Variants in LTBP1 observed in about 807,000 individuals in gnomAD.
LTBP1 encodes the protein latent-transforming growth factor beta-binding protein 1.
LTBP1 carries 129 observed loss-of-function variants against 207.6 expected under a neutral mutation model. The observed-to-expected ratio is 0.62, with a 90% CI of 0.54 to 0.72. The LOEUF (loss-of-function observed/expected upper bound fraction) is 0.72. Among genes scored for constraint, LTBP1 ranks in the 30% least tolerant of loss-of-function variants. The probability of loss-of-function intolerance (pLI) is 0.00; values close to 1 mark genes in which losing one functional copy is unlikely to be tolerated. For synonymous variants in LTBP1, 963 were observed against 833.7 expected, an observed-to-expected ratio of 1.16 and a Z score of -2.67; for missense variants, 2,281 against 2,217.2, an observed-to-expected ratio of 1.03 and a Z score of -0.58.
chr2:33,185,021 G>A (rs17566780), intron 5 of LTBP1, among the ~76,000 whole-genome samples: 66,879 of 151,910 alleles, frequency 0.44, 15,397 homozygotes, highest in Non-Finnish European at 0.5. Context: ...TAGAAGTGAG[G>A]TTCAGGCAGA....
intron 24 of LTBP1, among the ~76,000 whole-genome samples, chr2:33,321,856 A>G (rs531202298): frequency 6.6e-6 from 1 of 152,350 alleles, no homozygotes; most frequent in East Asian, 1.9e-4. Context: ...GTAAAAAGAA[A>G]AAGGATCATA....
At chr2:33,140,454 G>T (rs984422973) in intron 5 of LTBP1, among the ~76,000 whole-genome samples, 2 of 152,074 alleles carry the variant, frequency 1.3e-5, no homozygotes, top group African/African-American at 2.4e-5. Context: ...TTAATACATT[G>T]TGCAGGTATA....
chr2:33,067,741 T>G (rs1005449380), intron 3 of LTBP1, among the ~76,000 whole-genome samples: 3 of 152,292 alleles, frequency 2.0e-5, no homozygotes, highest in East Asian at 3.9e-4. Context: ...CATTTTATAT[T>G]AGGGACTGGA....
At chr2:33,305,695 G>A (rs2094077996) in intron 22 of LTBP1, among the ~76,000 whole-genome samples, 1 of 152,188 alleles carries the variant, frequency 6.6e-6, no homozygotes, top group South Asian at 2.1e-4. Flanking sequence ...GGGAATGAGT[G>A]TAGCTAGAAG....
intron 8 of LTBP1, among the ~76,000 whole-genome samples, chr2:33,218,102 T>C (rs2090849275): frequency 6.6e-6 from 1 of 152,220 alleles, no homozygotes; most frequent in Non-Finnish European, 1.5e-5. Context: ...TCAAATTTCA[T>C]TAAAAGGAAA....
intron 26 of LTBP1, among the ~76,000 whole-genome samples, chr2:33,353,962 C>G (rs1021476892): frequency 1.3e-5 from 2 of 151,858 alleles, no homozygotes; most frequent in African/African-American, 4.8e-5. Context: ...CAGGTTCACA[C>G]CATTCTCCTG....
At position 33,327,865 on chromosome 2, in the gene LTBP1, G is replaced by C. The variant is rs186482552; in HGVS notation, c.3730+12596G>C. Among the ~76,000 whole-genome samples the C allele has an allele frequency of 2.0e-5, 3 of 152,080 alleles. No homozygotes were observed. In the East Asian group the frequency reaches 5.8e-4, roughly 29 times the overall value. ...TTAAAATGCATGTAGAGGGCCGGGTGCAGTGACTCACGCCTGTAATCCCAG... is the reference window on the plus strand; with the variant it reads ...TTAAAATGCATGTAGAGGGCCGGGTCCAGTGACTCACGCCTGTAATCCCAG... On this transcript the variant is annotated intron_variant, in intron 24 of 33. Transcript: ENST00000404816.
chr2:32,992,625 A>G (rs1684592784), intron 2 of LTBP1, among the ~76,000 whole-genome samples: 1 of 152,196 alleles, frequency 6.6e-6, no homozygotes, highest in Non-Finnish European at 1.5e-5. Context: ...AAGTATTGCC[A>G]CAGAGCTTCG....
chr2:33,080,419 A>G (rs1209882943), intron 3 of LTBP1, among the ~76,000 whole-genome samples: 2 of 152,116 alleles, frequency 1.3e-5, no homozygotes, highest in African/African-American at 4.8e-5. Context: ...CTATGTCTTT[A>G]TCTGTTTGTC....
intron 4 of LTBP1, among the ~76,000 whole-genome samples, chr2:33,119,188 G>T (rs1411527902): frequency 1.3e-5 from 2 of 150,824 alleles, no homozygotes; most frequent in Non-Finnish European, 2.9e-5. Context: ...CCTAGGGAAA[G>T]GTAATACAAA....
chr2:32,993,423 T>A (rs1201198318), intron 2 of LTBP1, among the ~76,000 whole-genome samples: 3 of 151,716 alleles, frequency 2.0e-5, no homozygotes, highest in Non-Finnish European at 2.9e-5. Flanking sequence ...GCACACACAC[T>A]CTCTCTCTCT....
At chr2:33,045,607 T>G (rs139149538) in intron 3 of LTBP1, among the ~76,000 whole-genome samples, 14,317 of 151,784 alleles carry the variant, frequency 0.094, 897 homozygotes, top group Non-Finnish European at 0.14. Flanking sequence ...CTCTTTTTTG[T>G]TTCCATATGA....
intron 3 of LTBP1, among the ~76,000 whole-genome samples, chr2:33,022,549 A>G (rs1351700097): frequency 6.6e-6 from 1 of 152,134 alleles, no homozygotes; most frequent in African/African-American, 2.4e-5. Context: ...TATTAAACCC[A>G]TTTTACAGAT....
chr2:33,330,997 G>C (rs191987893), intron 24 of LTBP1, among the ~76,000 whole-genome samples: 215 of 151,856 alleles, frequency 1.4e-3, no homozygotes, highest in African/African-American at 4.9e-3. Context: ...GTTTCAGTAA[G>C]TTTTGTTTTC....
chr2:33,215,532 C>T (rs1285663906), intron 7 of LTBP1, among the ~76,000 whole-genome samples: 1 of 152,066 alleles, frequency 6.6e-6, no homozygotes, highest in African/African-American at 2.4e-5. Flanking sequence ...TACTTAGCGC[C>T]TCAGTCAGAA....
chr2:33,234,274 G>A (rs2091931595), intron 9 of LTBP1, among the ~76,000 whole-genome samples: 2 of 152,044 alleles, frequency 1.3e-5, no homozygotes, highest in South Asian at 4.1e-4. Flanking sequence ...GCCTTCAGTT[G>A]CATTATCATA....
At chr2:33,145,286 A>G (rs990105962) in intron 5 of LTBP1, among the ~76,000 whole-genome samples, 1 of 152,180 alleles carries the variant, frequency 6.6e-6, no homozygotes, top group African/African-American at 2.4e-5. Context: ...ACTTTATGCA[A>G]TACTGAGAGA....
chr2:33,330,275 C>G (rs1182815102), intron 24 of LTBP1, among the ~76,000 whole-genome samples: 5 of 152,114 alleles, frequency 3.3e-5, no homozygotes, highest in Middle Eastern at 6.8e-3. Context: ...ATGCAGATTT[C>G]TTTGCATCTC....
Position 32,947,819 on chromosome 2 carries a change from G to T in LTBP1, c.494+1G>T. 1 of 1,400,978 alleles carries T rather than the reference G, an allele frequency of 7.1e-7. No homozygotes were observed. The highest frequency in any genetic ancestry group is 9.4e-7 in the Non-Finnish European group (1 of 1,068,158). The allele number at this position is 1,400,978 out of a possible 1,614,324, so 86.8% of individuals were successfully genotyped here. ...TTCACCAGAAGCAGCAGCTGCAGGG[G>T]TAAGCCCACACCCCCTTCCGCCCGC... On this transcript the variant is annotated splice_donor_variant, in intron 1 of 33. Transcript: ENST00000404816. LOFTEE classifies it high-confidence loss of function.
Sources: allele counts gnomAD v4.1 joint callset (sites outside exome capture counted in the v4.1 genomes callset), GRCh38; gene constraint gnomAD v4.1.1; transcripts MANE v1.5; gene names NCBI Gene and HGNC (gene_info 2026-07-23, HGNC 2026-07-21).